REPS1: variants seen among roughly 807,000 people sequenced by gnomAD.
The protein encoded by REPS1 is ralBP1-associated Eps domain-containing protein 1.
A neutral mutation model predicts 100.9 loss-of-function variants in REPS1; 39 were observed. That is an observed-to-expected ratio of 0.39 (90% CI 0.30 to 0.50). The LOEUF (loss-of-function observed/expected upper bound fraction) is 0.50, where lower values mean the gene tolerates loss of function less well. Ranked by LOEUF, REPS1 falls within the 20% of genes least tolerant of loss-of-function variation. The pLI, the probability that REPS1 is intolerant of heterozygous loss-of-function variation, is 0.86. For synonymous variants in REPS1, 324 were observed against 340.3 expected, an observed-to-expected ratio of 0.95 and a Z score of 0.53; for missense variants, 821 against 968.5, an observed-to-expected ratio of 0.85 and a Z score of 2.02.
chr6:138,916,223 T>A, intron 13 of REPS1: 2 of 247,280 alleles, frequency 8.1e-6, no homozygotes, highest in Non-Finnish European at 1.4e-5. Flanking sequence ...TTTTTCTTTT[T>A]TTTTTTTTTT....
chr6:138,948,969 G>A (rs965036618), intron 1 of REPS1, among the ~76,000 whole-genome samples: 7 of 152,154 alleles, frequency 4.6e-5, no homozygotes, highest in African/African-American at 7.2e-5. Flanking sequence ...TGCCACTAAG[G>A]AGCATGTCCT....
Position 138,938,622 on chromosome 6 carries a change from G to A in REPS1, c.1135+2713C>T, listed in dbSNP as rs1378797354. Among the ~76,000 whole-genome samples the A allele has an allele frequency of 2.6e-5, 4 of 151,990 alleles. No individual in the cohort carries two copies. In the South Asian group the frequency reaches 8.3e-4, roughly 32 times the overall value. On this transcript the variant is annotated intron_variant, in intron 8 of 19. Coordinates refer to ENST00000450536, the MANE Select transcript of REPS1 (RefSeq NM_001286611.2). The stretch of plus-strand genomic sequence containing the variant: ...TTTCCCTTGTTTCAAGGAATTCAGA[G>A]TACAGTGATGGGGGAAAAAAAACAA...
At chr6:138,905,404 G>C in intron 19 of REPS1, among the ~76,000 whole-genome samples, 1 of 151,746 alleles carries the variant, frequency 6.6e-6, no homozygotes, top group Non-Finnish European at 1.5e-5. Context: ...CCATTCTCCT[G>C]CCTCAGCCTC....
intron 1 of REPS1, among the ~76,000 whole-genome samples, chr6:138,961,121 TTAAG>T (rs1783711027): frequency 6.6e-6 from 1 of 152,126 alleles, no homozygotes; most frequent in African/African-American, 2.4e-5. Context: ...ACACAATAAT[TTAAG>T]TACTTCTCAA....
chr6:138,934,849 T>C (rs963890845), intron 8 of REPS1, among the ~76,000 whole-genome samples: 2 of 152,202 alleles, frequency 1.3e-5, no homozygotes, highest in Admixed American at 6.5e-5. Flanking sequence ...AAAATAACTT[T>C]TACTTGAAGA....
chr6:138,947,824 A>C lies in REPS1; in HGVS notation c.243T>G (p.Ser81=). Residue 81 remains serine, a synonymous_variant, in exon 2 of 20, where the codon TCT becomes TCG. Transcript: ENST00000450536. ...TACTTTCCACTCTTAAAGGGAAACC[A>C]GACTGGGCAACAGCTACAAGTTTCA... The part of the protein sequence containing the change: ...IALKLVAVAQ[S]GFPLRVESIN... 1.2e-6 allele frequency: 2 copies of C among 1,610,794 alleles called. No homozygotes were observed. Among genetic ancestry groups the C allele is most frequent in the Non-Finnish European group, 1.7e-6 (2 of 1,178,636 alleles).
At chr6:138,928,707 A>T (rs755984438) in intron 9 of REPS1, 3 of 152,204 alleles carry the variant, frequency 2.0e-5, no homozygotes, top group Non-Finnish European at 4.4e-5. Context: ...TTACAAACTG[A>T]TATCAATGGA....
chr6:138,976,492 C>T (rs1393483329), intron 1 of REPS1, among the ~76,000 whole-genome samples: 3 of 152,154 alleles, frequency 2.0e-5, no homozygotes, highest in Non-Finnish European at 4.4e-5. Context: ...TTCCAGTGGA[C>T]AAAGCAACCC....
At chr6:138,908,132 T>C (rs1026239884) in intron 18 of REPS1, among the ~76,000 whole-genome samples, 7 of 152,108 alleles carry the variant, frequency 4.6e-5, no homozygotes, top group African/African-American at 7.2e-5. Flanking sequence ...AACTATCAAG[T>C]TTAAAAAATG....
At chr6:138,938,970 C>T (rs1782049705) in intron 8 of REPS1, among the ~76,000 whole-genome samples, 1 of 151,918 alleles carries the variant, frequency 6.6e-6, no homozygotes, top group South Asian at 2.1e-4. Context: ...GCCTCAGCTT[C>T]CTGAGTAGCT....
At chr6:138,946,203 A>C (rs1782603631) in intron 2 of REPS1, among the ~76,000 whole-genome samples, 1 of 152,204 alleles carries the variant, frequency 6.6e-6, no homozygotes, top group East Asian at 1.9e-4. Flanking sequence ...ACTAAGTCTG[A>C]GACTAGATTT....
chr6:138,925,095 C>G (rs1403606550), intron 10 of REPS1, among the ~76,000 whole-genome samples: 2 of 152,052 alleles, frequency 1.3e-5, no homozygotes, highest in African/African-American at 2.4e-5. Context: ...CCTGTAATCC[C>G]AGCACTTTGG....
rs1779515767 is a variant in REPS1, at chr6:138,904,528, AG to A, written c.*535del. 1 of 152,266 alleles carries A rather than the reference AG, an allele frequency of 6.6e-6. No homozygotes were observed. The highest frequency in any genetic ancestry group is 1.5e-5 in the Non-Finnish European group (1 of 68,036). The allele number at this position is 152,266 out of a possible 1,614,324, so 9.4% of individuals were successfully genotyped here. ...TTTGTCACAAGTTGACATGTAAAAGAGGCTTCAATGTACCACATGATTTGTG... is the reference window on the plus strand; with the variant it reads ...TTTGTCACAAGTTGACATGTAAAAGAGCTTCAATGTACCACATGATTTGTG... On this transcript the variant is annotated 3_prime_UTR_variant, in exon 20 of 20. Transcript: ENST00000450536.
At chr6:138,973,004 C>T (rs6913949) in intron 1 of REPS1, among the ~76,000 whole-genome samples, 13,395 of 152,128 alleles carry the variant, frequency 0.088, 1,238 homozygotes, top group African/African-American at 0.23. Context: ...TGAGTGAGTG[C>T]CTAACAGGAA....
At chr6:138,917,672 CT>C in intron 12 of REPS1, 45 bp from the exon 13 acceptor site, 1 of 1,509,104 alleles carries the variant, frequency 6.6e-7, no homozygotes, top group Non-Finnish European at 9.2e-7. Flanking sequence ...CATTTCTTTA[CT>C]TTTTGCTCTA....
chr6:138,909,116 C>T (rs1352470671), intron 17 of REPS1, among the ~76,000 whole-genome samples: 3 of 152,142 alleles, frequency 2.0e-5, no homozygotes, highest in Non-Finnish European at 2.9e-5. Flanking sequence ...TCAATATATA[C>T]CTGTTCAACA....
intron 8 of REPS1, among the ~76,000 whole-genome samples, chr6:138,933,405 C>A (rs1006759595): frequency 6.6e-6 from 1 of 152,148 alleles, no homozygotes; most frequent in African/African-American, 2.4e-5. Flanking sequence ...TTTATGGACA[C>A]TGAAATTTGA....
At chr6:138,980,531 C>A (rs1784882374) in intron 1 of REPS1, among the ~76,000 whole-genome samples, 2 of 149,370 alleles carry the variant, frequency 1.3e-5, no homozygotes, top group Admixed American at 6.6e-5. Flanking sequence ...TATGAAACAC[C>A]TTATTCTCCC....
At chr6:138,933,371 G>A (rs1205130258) in intron 8 of REPS1, among the ~76,000 whole-genome samples, 3 of 152,176 alleles carry the variant, frequency 2.0e-5, no homozygotes, top group South Asian at 2.1e-4. Context: ...TAAGTGATGA[G>A]CACTGCTGTG....
Sources: allele counts gnomAD v4.1 joint callset (sites outside exome capture counted in the v4.1 genomes callset), GRCh38; gene constraint gnomAD v4.1.1; transcripts MANE v1.5; gene names NCBI Gene and HGNC (gene_info 2026-07-23, HGNC 2026-07-21).